The following STAC variants were observed in gnomAD, a reference collection of about 807,000 sequenced individuals.
The protein encoded by STAC is SH3 and cysteine rich domain.
STAC carries 43 observed loss-of-function variants against 48.8 expected under a neutral mutation model. The ratio of observed to expected loss-of-function variants is 0.88; its 90% CI spans 0.69 to 1.14. The LOEUF is 1.14. Among genes scored for constraint, STAC ranks in the 50% most tolerant of loss-of-function variants. The pLI is 0.00. For synonymous variants in STAC, 193 were observed against 179.5 expected (o/e 1.07, Z -0.60); for missense variants, 497 against 504.0 (o/e 0.99, Z 0.13).
At chr3:36,409,886 T>A (rs934288136) in intron 1 of STAC, among the ~76,000 whole-genome samples, 6 of 152,296 alleles carry the variant, frequency 3.9e-5, no homozygotes, top group Admixed American at 3.3e-4. Context: ...GATTTGTTCA[T>A]GTTCATCAAG....
At chr3:36,524,349 T>C (rs527296831) in intron 8 of STAC, among the ~76,000 whole-genome samples, 84 of 152,118 alleles carry the variant, frequency 5.5e-4, no homozygotes, top group African/African-American at 1.9e-3. Context: ...ATCCCAGCAC[T>C]TTGGGAGGCT....
At chr3:36,438,214 A>C (rs924297708) in intron 1 of STAC, among the ~76,000 whole-genome samples, 2 of 152,162 alleles carry the variant, frequency 1.3e-5, no homozygotes, top group African/African-American at 4.8e-5. Flanking sequence ...GACAGGCGTG[A>C]GCCACCGCAC....
chr3:36,514,444 C>A (rs1698620274), intron 8 of STAC, among the ~76,000 whole-genome samples: 1 of 151,792 alleles, frequency 6.6e-6, no homozygotes, highest in Non-Finnish European at 1.5e-5. Context: ...CTTTGGATTA[C>A]ATTCTTCTGT....
chr3:36,405,044 C>A (rs1378850452), intron 1 of STAC, among the ~76,000 whole-genome samples: 2 of 152,120 alleles, frequency 1.3e-5, no homozygotes, highest in Non-Finnish European at 2.9e-5. Context: ...TCATACGATT[C>A]TTGTTTACTT....
intron 8 of STAC, among the ~76,000 whole-genome samples, chr3:36,517,538 T>C (rs1328064899): frequency 1.3e-5 from 2 of 152,136 alleles, no homozygotes; most frequent in African/African-American, 2.4e-5. Flanking sequence ...CCTGTAGCCC[T>C]AGCTCTTCAG....
chr3:36,443,244 T>G lies in STAC; in HGVS notation c.112-120T>G, dbSNP rs1696407190. ...ACCCACACAGGGACATTTATGAGCC[T>G]CCTCAAGACGGAGGGTGTCAGTGGG... On this transcript the variant is annotated intron_variant, in intron 1 of 10. Transcript: ENST00000273183. The surrounding 1 kb of genome is among the most constrained non-coding windows in gnomAD (Gnocchi z 4.2). The G allele has an allele frequency of 8.5e-7, 1 of 1,182,294 alleles. No individual in the cohort carries two copies. The highest frequency in any genetic ancestry group is 1.2e-6 in the Non-Finnish European group (1 of 845,110). 73.2% of individuals were successfully genotyped at this position (1,182,294 alleles called of 1,614,324 possible). A position where few individuals can be genotyped will look rare whatever the true frequency, so the allele number is the denominator to read the frequency against.
At position 36,443,676 on chromosome 3, in the gene STAC, C is replaced by T; in HGVS notation, c.388+36C>T. 1 of 1,597,398 alleles carries T rather than the reference C, an allele frequency of 6.3e-7. No homozygotes were observed. Among genetic ancestry groups the T allele is most frequent in the South Asian group, 1.1e-5 (1 of 90,522 alleles). ...CCACCCCTTTCTCCAGATCCCAGCA[C>T]CCCCGGAAAGCTGAGTGAGAGTGGT... On this transcript the variant is annotated intron_variant, in intron 2 of 10. Coordinates refer to ENST00000273183, the MANE Select transcript of STAC (RefSeq NM_003149.3). This position sits in a 1 kb window ranked among gnomAD's most constrained non-coding sequence, Gnocchi z 4.2.
At chr3:36,504,578 G>T (rs532657055) in intron 7 of STAC, 121 bp downstream of exon 7, 6 of 755,030 alleles carry the variant, frequency 7.9e-6, no homozygotes, top group Middle Eastern at 2.4e-4. Context: ...TTAGAGAATA[G>T]AATAATATAG....
At chr3:36,424,704 A>C (rs945641635) in intron 1 of STAC, among the ~76,000 whole-genome samples, 7 of 152,284 alleles carry the variant, frequency 4.6e-5, no homozygotes, top group Admixed American at 4.6e-4. Flanking sequence ...GAAGTGTTCA[A>C]AACTGACTGG....
At chr3:36,409,526 G>A (rs751278814) in intron 1 of STAC, 1 of 152,194 alleles carries the variant, frequency 6.6e-6, no homozygotes, top group Non-Finnish European at 1.5e-5. Flanking sequence ...TGAACTGAGT[G>A]GTTCTTGACC....
chr3:36,483,145 C>A, intron 3 of STAC, 53 bp downstream of exon 3: 4 of 1,390,926 alleles, frequency 2.9e-6, no homozygotes, highest in Non-Finnish European at 4.1e-6. Flanking sequence ...GGGCACTTGC[C>A]TGCTGCAGTG....
At chr3:36,458,802 G>C (rs755986730) in intron 2 of STAC, among the ~76,000 whole-genome samples, 1 of 152,174 alleles carries the variant, frequency 6.6e-6, no homozygotes, top group South Asian at 2.1e-4. Context: ...ACTTCAACAC[G>C]TATGTATTTG....
intron 8 of STAC, among the ~76,000 whole-genome samples, chr3:36,527,367 G>A (rs1055851405): frequency 6.6e-6 from 1 of 151,846 alleles, no homozygotes; most frequent in East Asian, 1.9e-4. Flanking sequence ...AAAAGAATAA[G>A]GAAATAATGA....
chr3:36,404,078 C>T (rs1328258853), intron 1 of STAC, among the ~76,000 whole-genome samples: 2 of 152,056 alleles, frequency 1.3e-5, no homozygotes, highest in Non-Finnish European at 2.9e-5. Flanking sequence ...TATGACACAC[C>T]TATGAATATC....
At chr3:36,446,766 A>G (rs1386767790) in intron 2 of STAC, among the ~76,000 whole-genome samples, 2 of 152,242 alleles carry the variant, frequency 1.3e-5, no homozygotes, top group Non-Finnish European at 2.9e-5. Flanking sequence ...CTATTTTTAA[A>G]TTAACTAAAT....
At chr3:36,408,534 G>A (rs1700128976) in intron 1 of STAC, among the ~76,000 whole-genome samples, 1 of 152,138 alleles carries the variant, frequency 6.6e-6, no homozygotes, top group Non-Finnish European at 1.5e-5. Context: ...ATCCTGATTG[G>A]TTTAAGCAAT....
intron 2 of STAC, among the ~76,000 whole-genome samples, chr3:36,454,066 C>G (rs1034497220): frequency 6.6e-6 from 1 of 152,166 alleles, no homozygotes; most frequent in African/African-American, 2.4e-5. Context: ...ACCCTCTGGG[C>G]TCTACCAATC....
chr3:36,426,856 C>A (rs1350076578), intron 1 of STAC, among the ~76,000 whole-genome samples: 1 of 89,030 alleles, frequency 1.1e-5, no homozygotes, highest in Non-Finnish European at 2.1e-5. Flanking sequence ...GAATTCTGTT[C>A]ATCACCTCTC....
intron 1 of STAC, among the ~76,000 whole-genome samples, chr3:36,439,620 T>C (rs748498984): frequency 6.6e-6 from 1 of 152,166 alleles, no homozygotes; most frequent in Admixed American, 6.5e-5. Flanking sequence ...TAAATGTCCT[T>C]CTAAAATAAA....
Sources: allele counts gnomAD v4.1 joint callset (sites outside exome capture counted in the v4.1 genomes callset), GRCh38; gene constraint gnomAD v4.1.1; non-coding constraint Gnocchi (gnomAD v3.1); transcripts MANE v1.5; gene names NCBI Gene and HGNC (gene_info 2026-07-23, HGNC 2026-07-21).